The following PTPRD variants were observed in gnomAD, a reference collection of about 807,000 sequenced individuals.
PTPRD encodes the protein receptor-type tyrosine-protein phosphatase delta.
PTPRD carries 34 observed loss-of-function variants against 214.5 expected under a neutral mutation model. That is an observed-to-expected ratio of 0.16 (90% confidence interval 0.12 to 0.21). The LOEUF is 0.21. Among genes scored for constraint, PTPRD ranks in the 10% least tolerant of loss-of-function variants. PTPRD has a pLI of 1.00. For synonymous variants in PTPRD, 1,128 were observed against 845.7 expected, an observed-to-expected ratio of 1.33 and a Z score of -5.79; for missense variants, 2,545 against 2,398.7, an observed-to-expected ratio of 1.06 and a Z score of -1.27.
chr9:9,328,718 C>A (rs576097371), intron 9 of PTPRD, among the ~76,000 whole-genome samples: 2 of 134,500 alleles, frequency 1.5e-5, no homozygotes, highest in African/African-American at 2.8e-5. Context: ...CTCACTGCAA[C>A]CTGTGCCTCC....
chr9:9,220,158 G>C (rs1264074033), intron 9 of PTPRD, among the ~76,000 whole-genome samples: 2 of 151,924 alleles, frequency 1.3e-5, no homozygotes, highest in Non-Finnish European at 2.9e-5. Context: ...AATCATTGAA[G>C]GACTACCTAA....
intron 22 of PTPRD, among the ~76,000 whole-genome samples, chr9:8,506,869 G>A (rs2097552048): frequency 6.6e-6 from 1 of 152,134 alleles, no homozygotes; most frequent in African/African-American, 2.4e-5. Context: ...TTTGAAACCA[G>A]GGTGGAAAAA....
chr9:8,857,120 C>T (rs1294414857), intron 11 of PTPRD, among the ~76,000 whole-genome samples: 3 of 152,178 alleles, frequency 2.0e-5, no homozygotes, highest in South Asian at 2.1e-4. Context: ...AAACAATCCC[C>T]CTCCTCTATG....
At chr9:9,237,150 C>A (rs2099967335) in intron 9 of PTPRD, among the ~76,000 whole-genome samples, 1 of 152,118 alleles carries the variant, frequency 6.6e-6, no homozygotes, top group South Asian at 2.1e-4. Context: ...CTTTTGATTT[C>A]CTTCTTAGTT....
chr9:9,658,924 T>G (rs2096572414), intron 7 of PTPRD, among the ~76,000 whole-genome samples: 1 of 152,090 alleles, frequency 6.6e-6, no homozygotes, highest in Non-Finnish European at 1.5e-5. Context: ...AATCTGGCAG[T>G]TTGATTCAAG....
chr9:9,221,275 A>G (rs2099955811), intron 9 of PTPRD, among the ~76,000 whole-genome samples: 3 of 152,268 alleles, frequency 2.0e-5, no homozygotes, highest in African/African-American at 7.2e-5. Flanking sequence ...TGACATGATC[A>G]GGATAGAATT....
At chr9:8,851,490 C>T (rs2097812709) in intron 11 of PTPRD, among the ~76,000 whole-genome samples, 1 of 152,158 alleles carries the variant, frequency 6.6e-6, no homozygotes, top group South Asian at 2.1e-4. Flanking sequence ...CTAATTATAG[C>T]AGTACACACA....
At chr9:10,002,883 C>T (rs959162122) in intron 4 of PTPRD, among the ~76,000 whole-genome samples, 1 of 151,580 alleles carries the variant, frequency 6.6e-6, no homozygotes, top group African/African-American at 2.4e-5. Flanking sequence ...ACAATCTTCT[C>T]AAGTGCACAT....
chr9:8,706,268 T>C (rs1051076619), intron 12 of PTPRD, among the ~76,000 whole-genome samples: 2 of 152,208 alleles, frequency 1.3e-5, no homozygotes, highest in African/African-American at 4.8e-5. Flanking sequence ...AATAGGATTT[T>C]CAGGGAGGTT....
chr9:9,319,961 C>T (rs1965591911), intron 9 of PTPRD, among the ~76,000 whole-genome samples: 1 of 152,072 alleles, frequency 6.6e-6, no homozygotes, highest in African/African-American at 2.4e-5. Context: ...GTGGCATTTT[C>T]ACTTCAATTA....
chr9:8,935,014 T>A (rs770253049), intron 11 of PTPRD, among the ~76,000 whole-genome samples: 1 of 152,154 alleles, frequency 6.6e-6, no homozygotes, highest in Non-Finnish European at 1.5e-5. Flanking sequence ...TATATACTTA[T>A]ATATACACAC....
rs2095361142 is a variant in PTPRD, at chr9:8,436,625, T to G, written c.4053A>C (p.Ala1351=). Residue 1351 remains alanine, a synonymous_variant, in exon 35 of 46, where the codon GCA becomes GCC. Coordinates refer to ENST00000381196, the MANE Select transcript of PTPRD (RefSeq NM_002839.4). ...ELADHIERLK[A]NDNLKFSQEY... is the part of the protein sequence containing the mutation. ...CCTGGGAAAACTTCAAGTTGTCATT[T>G]GCTTTCAATCTTTCAATGTGGTCTG... 3 of 1,613,578 alleles carry G rather than the reference T, an allele frequency of 1.9e-6. No homozygotes were observed. Among genetic ancestry groups the G allele is most frequent in the Non-Finnish European group, 2.5e-6 (3 of 1,179,690 alleles).
intron 10 of PTPRD, among the ~76,000 whole-genome samples, chr9:9,146,047 T>G (rs1191778427): frequency 6.6e-6 from 1 of 152,192 alleles, no homozygotes; most frequent in Non-Finnish European, 1.5e-5. Flanking sequence ...ACTCTCCTTG[T>G]AAAAATTACA....
chr9:9,316,435 A>G (rs966003644), intron 9 of PTPRD, among the ~76,000 whole-genome samples: 1 of 152,166 alleles, frequency 6.6e-6, no homozygotes, highest in Non-Finnish European at 1.5e-5. Context: ...TTATCCTCAA[A>G]TTAAAAACAA....
At chr9:8,439,997 G>A (rs1000401722) in intron 34 of PTPRD, among the ~76,000 whole-genome samples, 7 of 126,268 alleles carry the variant, frequency 5.5e-5, no homozygotes, top group African/African-American at 1.2e-4. Context: ...ATTAATTCAG[G>A]TCTGTGGATG....
chr9:10,255,264 T>C (rs554781904), intron 3 of PTPRD, among the ~76,000 whole-genome samples: 216 of 152,298 alleles, frequency 1.4e-3, no homozygotes, highest in South Asian at 2.9e-3. Flanking sequence ...CATAGAGTGC[T>C]TTTACACAAA....
At position 9,216,268 on chromosome 9, in the gene PTPRD, C is replaced by T. The variant is rs150975119; in HGVS notation, c.-202-32905G>A. The stretch of plus-strand genomic sequence containing the variant: ...GGAATATAGACACAACAAATATTAC[C>T]TATTAAAATAAGGATGCCAATGCTA... On this transcript the variant is annotated intron_variant, in intron 9 of 45. Transcript: ENST00000381196. Among the ~76,000 whole-genome samples the T allele has an allele frequency of 3.0e-3, 457 of 152,244 alleles. 2 individuals carry two copies. Among genetic ancestry groups the T allele is most frequent in the Non-Finnish European group, 2.7e-3 (186 of 68,010 alleles).
At chr9:10,341,456 C>A (rs1346291467) in intron 2 of PTPRD, among the ~76,000 whole-genome samples, 1 of 151,698 alleles carries the variant, frequency 6.6e-6, no homozygotes, top group African/African-American at 2.4e-5. Flanking sequence ...ATATAGCAAA[C>A]AAATTAGAGT....
chr9:8,806,586 G>C (rs368028307), intron 11 of PTPRD, among the ~76,000 whole-genome samples: 34 of 152,228 alleles, frequency 2.2e-4, no homozygotes, highest in African/African-American at 7.9e-4. Context: ...TAAATATCCA[G>C]CAAGTATTGA....
Sources: gnomAD v4.1 joint callset for allele counts (sites outside exome capture counted in the v4.1 genomes callset) on GRCh38, gnomAD v4.1.1 for gene constraint, MANE v1.5 for transcripts, NCBI Gene and HGNC (gene_info 2026-07-23, HGNC 2026-07-21) for gene names.